The following KIF26B variants were observed in gnomAD, a reference collection of about 807,000 sequenced individuals.
The protein encoded by KIF26B is kinesin-like protein KIF26B.
In KIF26B, 63 loss-of-function variants were observed where a neutral mutation model predicts 151.2. The observed-to-expected ratio is 0.42, with a 90% CI of 0.34 to 0.51. KIF26B has a LOEUF of 0.51. Ranked by LOEUF, KIF26B falls within the 20% of genes least tolerant of loss-of-function variation. The pLI is 0.07. For synonymous variants in KIF26B, 1,357 were observed against 1,262.1 expected (o/e 1.08, Z -1.59); for missense variants, 2,813 against 2,913.6 (o/e 0.97, Z 0.79).
chr1:245,436,714 A>G (rs79977485), intron 4 of KIF26B, among the ~76,000 whole-genome samples: 5 of 152,198 alleles, frequency 3.3e-5, no homozygotes, highest in African/African-American at 1.2e-4. Flanking sequence ...CTAGTATTTG[A>G]CAAAACAACT....
intron 2 of KIF26B, among the ~76,000 whole-genome samples, chr1:245,194,209 C>G (rs991930548): frequency 6.6e-6 from 1 of 152,068 alleles, no homozygotes; most frequent in African/African-American, 2.4e-5. Flanking sequence ...CCTAATTCAT[C>G]GTGGTGGCAC....
chr1:245,399,189 C>T (rs1255485784), intron 3 of KIF26B, among the ~76,000 whole-genome samples: 9 of 151,984 alleles, frequency 5.9e-5, no homozygotes, highest in Admixed American at 5.9e-4. Flanking sequence ...TTAACTGTAC[C>T]ATTATTATTG....
intron 2 of KIF26B, among the ~76,000 whole-genome samples, chr1:245,259,934 C>CAAAAAAA (rs35913005): frequency 1.4e-5 from 1 of 72,016 alleles, no homozygotes; most frequent in Non-Finnish European, 2.6e-5. Context: ...GGTCCTGTCT[C>CAAAAAAA]AAAAAAAAAA....
intron 9 of KIF26B, among the ~76,000 whole-genome samples, chr1:245,623,047 TTTTTTG>T (rs1276250421): frequency 9.0e-4 from 130 of 144,342 alleles, no homozygotes; most frequent in Admixed American, 3.5e-3. Flanking sequence ...TTTTTTTTTT[TTTTTTG>T]TTGTTTTTTA....
Position 245,686,305 on chromosome 1 carries a change from A to G in KIF26B, c.3322A>G (p.Ser1108Gly). 6.2e-7 allele frequency: 1 copy of G among 1,612,956 alleles called. No individual in the cohort carries two copies. The highest frequency in any genetic ancestry group is 2.2e-5 in the East Asian group (1 of 44,856). ...GTCTCCCGCCCCACTGCCTCCCTCG[A>G]GCAAGGATTCCGGCGTGGCGTCTAG... is the stretch of plus-strand genomic sequence containing the variant. ...LPSPAPLPPS[S>G]KDSGVASRES... Residue 1108 changes from serine (S) to glycine (G), a missense_variant, in exon 12 of 15, where the codon AGC (serine) becomes GGC (glycine). By Grantham distance (56) the Ser-to-Gly change is moderately conservative. Transcript: ENST00000407071. This position sits in a 1 kb window ranked among gnomAD's most constrained non-coding sequence, Gnocchi z 5.6.
intron 4 of KIF26B, among the ~76,000 whole-genome samples, chr1:245,479,282 A>G (rs1330811963): frequency 1.1e-4 from 16 of 151,950 alleles, no homozygotes; most frequent in Non-Finnish European, 1.5e-5. Context: ...TTGAGTTCCA[A>G]CAGTGAGCTC....
chr1:245,365,797 G>A (rs886979927), intron 2 of KIF26B, among the ~76,000 whole-genome samples: 1 of 152,262 alleles, frequency 6.6e-6, no homozygotes, highest in South Asian at 2.1e-4. Context: ...AGGCCATGGC[G>A]CTGTGGACAG....
At chr1:245,207,294 G>A (rs1202497707) in intron 2 of KIF26B, among the ~76,000 whole-genome samples, 4 of 152,322 alleles carry the variant, frequency 2.6e-5, no homozygotes, top group Admixed American at 2.6e-4. Flanking sequence ...AGAGCACACC[G>A]AACACAGGAG....
In KIF26B at chr1:245,609,504, T is replaced by C. The variant is rs1177181682; in HGVS notation, c.1890T>C (p.Cys630=). ...GCCAGTCCCCGGGCGTGTACCTCTG[T>C]GAGGACCCCATCTGCGGCACGCAGG... ...QDGQSPGVYL[C]EDPICGTQLQ... is the part of the protein sequence containing the mutation. The change falls in exon 8 of 15, where the codon TGT becomes TGC. Residue 630 remains cysteine, a synonymous_variant. Coordinates refer to ENST00000407071, the MANE Select transcript of KIF26B (RefSeq NM_018012.4). 1.9e-6 allele frequency: 3 copies of C among 1,575,184 alleles called. No homozygotes were observed. The highest frequency in any genetic ancestry group is 1.7e-6 in the Non-Finnish European group (2 of 1,158,856).
Position 245,401,731 on chromosome 1 carries a change from G to T in KIF26B, c.1000-17848G>T, listed in dbSNP as rs185835021. ...TAAAAATACAAAAAATTATCTGGGC[G>T]TGGTGGCACATGCCTATAATCCCAG... On this transcript the variant is annotated intron_variant, in intron 3 of 14. Coordinates refer to ENST00000407071, the MANE Select transcript of KIF26B (RefSeq NM_018012.4). Among the ~76,000 whole-genome samples, 110 of 152,266 alleles carry T rather than the reference G, an allele frequency of 7.2e-4. 1 individual carries two copies. In the East Asian group the frequency reaches 0.018, roughly 25 times the overall value.
chr1:245,484,506 G>A lies in KIF26B; in HGVS notation c.1167-56261G>A, dbSNP rs1461968609. Among the ~76,000 whole-genome samples the A allele has an allele frequency of 4.0e-5, 6 of 151,748 alleles. 1 individual carries two copies. The highest frequency in any genetic ancestry group is 7.2e-5 in the African/African-American group (3 of 41,410). ...TTGATGGTGACCAGGCACTCCACTC[G>A]TCCATGTAGTTTCTGGGATGGATTC... On this transcript the variant is annotated intron_variant, in intron 4 of 14. Transcript: ENST00000407071.
chr1:245,223,388 C>A (rs1283589565), intron 2 of KIF26B, among the ~76,000 whole-genome samples: 1 of 152,178 alleles, frequency 6.6e-6, no homozygotes, highest in Non-Finnish European at 1.5e-5. Flanking sequence ...ATGCAGAAGT[C>A]TTAAGGGTAC....
chr1:245,198,430 G>GT (rs1294564852), intron 2 of KIF26B, among the ~76,000 whole-genome samples: 1 of 152,148 alleles, frequency 6.6e-6, no homozygotes, highest in Non-Finnish European at 1.5e-5. Flanking sequence ...GTAATATTTG[G>GT]TAAGTGCTTG....
chr1:245,369,464 C>T (rs1329439921), intron 3 of KIF26B, among the ~76,000 whole-genome samples: 1 of 152,178 alleles, frequency 6.6e-6, no homozygotes, highest in Non-Finnish European at 1.5e-5. Context: ...GATCATTATC[C>T]TAAGATATTA....
chr1:245,273,531 C>A (rs147406970), intron 2 of KIF26B, among the ~76,000 whole-genome samples: 2 of 151,338 alleles, frequency 1.3e-5, no homozygotes, highest in African/African-American at 4.8e-5. Context: ...TGTTTTATAT[C>A]TTTGGGTCTC....
rs374843209 is a variant in KIF26B at position 245,621,343 on chromosome 1, T to C, written c.2098+9367T>C. On this transcript the variant is annotated intron_variant, in intron 9 of 14. Coordinates refer to ENST00000407071, the MANE Select transcript of KIF26B (RefSeq NM_018012.4). ...TTCTATGAGCCTCAGTTTCCTTATA[T>C]GTAAAATGGGGCTAATTTCTGCATT... is the stretch of plus-strand genomic sequence containing the variant. Among the ~76,000 whole-genome samples, 13 of 152,342 alleles carry C rather than the reference T, an allele frequency of 8.5e-5. No homozygotes were observed. The South Asian group carries it at 2.7e-3, about 32-fold the overall frequency.
intron 4 of KIF26B, among the ~76,000 whole-genome samples, chr1:245,478,931 G>A (rs1361392362): frequency 1.3e-5 from 2 of 151,848 alleles, no homozygotes; most frequent in Non-Finnish European, 2.9e-5. Flanking sequence ...GTGAGAGAAA[G>A]TAAGGTTGTG....
chr1:245,557,805 C>G (rs1271892225), intron 5 of KIF26B, among the ~76,000 whole-genome samples: 1 of 151,510 alleles, frequency 6.6e-6, no homozygotes, highest in East Asian at 1.9e-4. Context: ...AAACTGAGGC[C>G]AATCTCAGGG....
At chr1:245,194,276 T>A (rs868232059) in intron 2 of KIF26B, among the ~76,000 whole-genome samples, 1 of 152,180 alleles carries the variant, frequency 6.6e-6, no homozygotes, top group Non-Finnish European at 1.5e-5. Context: ...TTACATAGAG[T>A]GCTTGATGCA....
Sources: gnomAD v4.1 joint callset for allele counts (sites outside exome capture counted in the v4.1 genomes callset) on GRCh38, gnomAD v4.1.1 for gene constraint, Gnocchi (gnomAD v3.1) non-coding constraint, MANE v1.5 for transcripts, NCBI Gene and HGNC (gene_info 2026-07-23, HGNC 2026-07-21) for gene names.